The following TNNI3K variants were observed in gnomAD, a reference collection of about 807,000 sequenced individuals.
The protein encoded by TNNI3K is TNNI3 interacting kinase, also known as serine/threonine-protein kinase TNNI3K.
Under a neutral mutation model 114.5 loss-of-function variants are expected in TNNI3K, and 140 were observed. The observed-to-expected ratio is 1.22, with a 90% CI of 1.07 to 1.41. TNNI3K has a LOEUF of 1.41. Among genes scored for constraint, TNNI3K ranks in the 40% most tolerant of loss-of-function variants. TNNI3K has a pLI of 0.00. For missense variants in TNNI3K, 1,125 were observed against 1,007.6 expected, an observed-to-expected ratio of 1.12 and a Z score of -1.58; for synonymous variants, 347 against 347.5, an observed-to-expected ratio of 1.00 and a Z score of 0.02.
chr1:74,323,877 C>T (rs1321701168), intron 5 of TNNI3K, among the ~76,000 whole-genome samples: 1 of 152,050 alleles, frequency 6.6e-6, no homozygotes, highest in Non-Finnish European at 1.5e-5. Context: ...AAAAGCAACA[C>T]TTAAGAGATG....
intron 23 of TNNI3K, among the ~76,000 whole-genome samples, chr1:74,515,243 C>T (rs1363860055): frequency 1.3e-5 from 2 of 152,158 alleles, no homozygotes; most frequent in African/African-American, 4.8e-5. Flanking sequence ...GACATAACTT[C>T]ATAGAGCTTA....
intron 5 of TNNI3K, among the ~76,000 whole-genome samples, chr1:74,304,025 C>T (rs12082226): frequency 6.6e-6 from 1 of 152,300 alleles, no homozygotes; most frequent in African/African-American, 2.4e-5. Flanking sequence ...AGGAATTCTT[C>T]TTATGGATGA....
intron 17 of TNNI3K, among the ~76,000 whole-genome samples, chr1:74,383,017 G>T (rs1404323391): frequency 6.6e-6 from 1 of 151,688 alleles, no homozygotes; most frequent in African/African-American, 2.4e-5. Flanking sequence ...GAATTGCTGG[G>T]TTTTTTAAAG....
intron 4 of TNNI3K, among the ~76,000 whole-genome samples, chr1:74,259,275 C>A (rs747508309): frequency 2.6e-5 from 4 of 152,188 alleles, no homozygotes; most frequent in Non-Finnish European, 5.9e-5. Context: ...TGTCCAAAGA[C>A]TTGAGAACCA....
Position 74,367,906 on chromosome 1 carries a change from A to G in TNNI3K, c.1265-2A>G. 1 of 1,572,706 alleles carries G rather than the reference A, an allele frequency of 6.4e-7. No individual in the cohort carries two copies. Among genetic ancestry groups the G allele is most frequent in the Non-Finnish European group, 8.6e-7 (1 of 1,165,330 alleles). On this transcript the variant is annotated splice_acceptor_variant, in intron 12 of 24. Transcript: ENST00000326637. LOFTEE classifies it high-confidence loss of function. The stretch of plus-strand genomic sequence containing the variant: ...AACTCTATTATATAATTTAATTTCT[A>G]GATGGCTCCTATGTGTCTGTTCCAT...
rs77077794 is a variant in TNNI3K at position 74,514,708 on chromosome 1, A to C, written c.2351+22442A>C. Among the ~76,000 whole-genome samples, 4 of 152,274 alleles carry C rather than the reference A, an allele frequency of 2.6e-5. No homozygotes were observed. The East Asian group carries it at 7.7e-4, about 29-fold the overall frequency. ...CCATGTGTGCTCTTTTTAGGACACC[A>C]TAAGAAATTCTGTTTGGAACTCATG... On this transcript the variant is annotated intron_variant, in intron 23 of 24. Transcript: ENST00000326637.
chr1:74,353,111 C>T (rs918181545), intron 9 of TNNI3K, among the ~76,000 whole-genome samples, 155 bp from the exon 10 acceptor site: 1 of 152,118 alleles, frequency 6.6e-6, no homozygotes, highest in East Asian at 1.9e-4. Flanking sequence ...CTCTTAAGTA[C>T]CTCTTTAAAG....
At chr1:74,257,531 T>TA (rs1344060557) in intron 4 of TNNI3K, among the ~76,000 whole-genome samples, 9 of 152,056 alleles carry the variant, frequency 5.9e-5, no homozygotes, top group Non-Finnish European at 1.0e-4. Flanking sequence ...GAGTTTTTTT[T>TA]ATGTTTGTTT....
intron 17 of TNNI3K, among the ~76,000 whole-genome samples, chr1:74,411,775 T>C (rs1001016761): frequency 6.6e-6 from 1 of 152,168 alleles, no homozygotes; most frequent in African/African-American, 2.4e-5. Flanking sequence ...TATTAACATT[T>C]AAATGTTGGA....
At chr1:74,405,439 G>A (rs897180740) in intron 17 of TNNI3K, among the ~76,000 whole-genome samples, 2 of 152,172 alleles carry the variant, frequency 1.3e-5, no homozygotes, top group Non-Finnish European at 2.9e-5. Context: ...GAATTGAAAA[G>A]TGGTAAATAA....
chr1:74,253,552 G>T (rs1311349115), intron 4 of TNNI3K, among the ~76,000 whole-genome samples: 1 of 152,140 alleles, frequency 6.6e-6, no homozygotes, highest in Non-Finnish European at 1.5e-5. Context: ...ACTGCTGGGG[G>T]ACCCGGAGCA....
intron 5 of TNNI3K, among the ~76,000 whole-genome samples, chr1:74,272,944 A>G (rs1656441415): frequency 6.6e-6 from 1 of 151,940 alleles, no homozygotes; most frequent in African/African-American, 2.4e-5. Context: ...GGAAACACCA[A>G]TAGCTCAACA....
chr1:74,319,737 C>A (rs1659507987), intron 5 of TNNI3K, among the ~76,000 whole-genome samples: 5 of 152,134 alleles, frequency 3.3e-5, no homozygotes, highest in Admixed American at 3.3e-4. Flanking sequence ...TCCAGTGGTA[C>A]CTTGGAAGTC....
At chr1:74,381,684 G>A (rs926197566) in intron 17 of TNNI3K, among the ~76,000 whole-genome samples, 1 of 152,056 alleles carries the variant, frequency 6.6e-6, no homozygotes, top group African/African-American at 2.4e-5. Flanking sequence ...GTTCGAACTT[G>A]AATCAGGGAT....
At chr1:74,481,550 A>T (rs1381572404) in intron 21 of TNNI3K, among the ~76,000 whole-genome samples, 34 of 152,222 alleles carry the variant, frequency 2.2e-4, no homozygotes, top group Admixed American at 2.2e-3. Flanking sequence ...TTCAATCCAG[A>T]CAACCCAAGT....
At chr1:74,441,028 C>T (rs192513952) in intron 20 of TNNI3K, among the ~76,000 whole-genome samples, 98 of 152,234 alleles carry the variant, frequency 6.4e-4, no homozygotes, top group African/African-American at 2.3e-3. Flanking sequence ...CCACCACCAT[C>T]GTAGCCCAAG....
At chr1:74,509,619 G>A (rs1034427914) in intron 23 of TNNI3K, among the ~76,000 whole-genome samples, 1 of 151,974 alleles carries the variant, frequency 6.6e-6, no homozygotes, top group African/African-American at 2.4e-5. Flanking sequence ...TAAAATTGAG[G>A]ACAAAGCACC....
chr1:74,382,185 G>A (rs1157408560), intron 17 of TNNI3K, among the ~76,000 whole-genome samples: 1 of 152,184 alleles, frequency 6.6e-6, no homozygotes. Flanking sequence ...ATTCCCAAGA[G>A]ACAATTCTCA....
At chr1:74,344,921 T>G (rs1046364196) in intron 9 of TNNI3K, among the ~76,000 whole-genome samples, 1 of 152,130 alleles carries the variant, frequency 6.6e-6, no homozygotes, top group East Asian at 1.9e-4. Context: ...ATGTACATAG[T>G]ATTTTGCACA....
Sources: allele counts gnomAD v4.1 joint callset (sites outside exome capture counted in the v4.1 genomes callset), GRCh38; gene constraint gnomAD v4.1.1; transcripts MANE v1.5; gene names NCBI Gene and HGNC (gene_info 2026-07-23, HGNC 2026-07-21).